The following PARD3 variants were observed in gnomAD, a reference collection of about 807,000 sequenced individuals.
PARD3 encodes the protein par-3 family cell polarity regulator.
Under a neutral mutation model 155.4 loss-of-function variants are expected in PARD3, and 75 were observed. The observed-to-expected ratio is 0.48, with a 90% CI of 0.40 to 0.58. The LOEUF (loss-of-function observed/expected upper bound fraction) is 0.58, where lower values mean the gene tolerates loss of function less well. Ranked by LOEUF, PARD3 falls within the 20% of genes least tolerant of loss-of-function variation. The pLI is 0.00. For synonymous variants in PARD3, 576 were observed against 610.5 expected (o/e 0.94, Z 0.83); for missense variants, 1,642 against 1,721.7 (o/e 0.95, Z 0.82).
chr10:34,187,902 G>A (rs1411778434), intron 22 of PARD3, among the ~76,000 whole-genome samples: 2 of 152,032 alleles, frequency 1.3e-5, no homozygotes, highest in Admixed American at 6.6e-5. Flanking sequence ...CTACCGTGGC[G>A]ATGAAAAACT....
rs1243738551 is a variant in PARD3 at position 34,598,779 on chromosome 10, A to G, written c.223-81620T>C. ...AGTTATAAAGAGCCTCTAACACAGG[A>G]GACAATGCTACTGCCATAGACCTGC... On this transcript the variant is annotated intron_variant, in intron 2 of 24. Coordinates refer to ENST00000374788, the MANE Select transcript of PARD3 (RefSeq NM_001184785.2). 2.0e-5 allele frequency among the ~76,000 whole-genome samples: 3 copies of G among 152,320 alleles called. No individual in the cohort carries two copies. The East Asian group carries it at 5.8e-4, about 29-fold the overall frequency.
chr10:34,617,428 A>G (rs983453298), intron 2 of PARD3, among the ~76,000 whole-genome samples: 1 of 152,166 alleles, frequency 6.6e-6, no homozygotes, highest in East Asian at 1.9e-4. Context: ...CTGTAGGGTG[A>G]AAACAAATAC....
intron 1 of PARD3, among the ~76,000 whole-genome samples, chr10:34,781,017 CCTTGAA>C (rs1181387112): frequency 8.5e-5 from 13 of 152,214 alleles, no homozygotes; most frequent in Non-Finnish European, 1.5e-5. Context: ...TTTGTACTTT[CCTTGAA>C]CTTGGAGCAG....
intron 2 of PARD3, among the ~76,000 whole-genome samples, chr10:34,526,943 T>TA (rs1554885990): frequency 2.0e-5 from 3 of 152,198 alleles, no homozygotes; most frequent in Non-Finnish European, 4.4e-5. Context: ...GTTGAACTTG[T>TA]AAAAAATGAC....
At chr10:34,261,781 A>AAAAAG (rs1554820301) in intron 22 of PARD3, among the ~76,000 whole-genome samples, 4 of 131,966 alleles carry the variant, frequency 3.0e-5, no homozygotes, top group African/African-American at 9.5e-5. Context: ...AGAAAGAAAG[A>AAAAAG]AAAGAAAGAA....
intron 22 of PARD3, among the ~76,000 whole-genome samples, chr10:34,148,745 T>C (rs192158210): frequency 6.5e-4 from 99 of 151,606 alleles, no homozygotes; most frequent in African/African-American, 2.3e-3. Flanking sequence ...TTTATTACAA[T>C]ATGGATTCAG....
intron 22 of PARD3, among the ~76,000 whole-genome samples, chr10:34,262,255 G>T (rs1222840902): frequency 1.4e-5 from 2 of 146,966 alleles, no homozygotes; most frequent in Non-Finnish European, 3.0e-5. Context: ...GCCTATTACG[G>T]TTTTTTTTTT....
intron 1 of PARD3, among the ~76,000 whole-genome samples, chr10:34,806,143 A>C (rs562423647): frequency 1.3e-5 from 2 of 151,058 alleles, no homozygotes; most frequent in East Asian, 2.0e-4. Context: ...CAATCCTCCC[A>C]CGTCAGCCTC....
intron 2 of PARD3, among the ~76,000 whole-genome samples, chr10:34,692,448 T>A (rs2094083064): frequency 6.6e-6 from 1 of 152,156 alleles, no homozygotes; most frequent in South Asian, 2.1e-4. Context: ...CAAAAGAAAC[T>A]ATCAACAGAG....
At chr10:34,158,068 G>A (rs1438469129) in intron 22 of PARD3, among the ~76,000 whole-genome samples, 1 of 152,008 alleles carries the variant, frequency 6.6e-6, no homozygotes, top group East Asian at 1.9e-4. Flanking sequence ...CATTGCTGAT[G>A]TCAGCCTACT....
Position 34,801,521 on chromosome 10 carries a change from G to A in PARD3, c.120+13355C>T, listed in dbSNP as rs537384600. Among the ~76,000 whole-genome samples the A allele has an allele frequency of 2.2e-3, 334 of 152,200 alleles. 1 individual carries two copies. Among genetic ancestry groups the A allele is most frequent in the Non-Finnish European group, 2.9e-3 (197 of 68,010 alleles). On this transcript the variant is annotated intron_variant, in intron 1 of 24. Coordinates refer to ENST00000374788, the MANE Select transcript of PARD3 (RefSeq NM_001184785.2). ...TGATAACTGCAAGTCTGACTTCATC[G>A]CACTGCCTGCCAAGCCCAGAATGTG...
At chr10:34,798,671 C>T (rs998553397) in intron 1 of PARD3, among the ~76,000 whole-genome samples, 21 of 119,264 alleles carry the variant, frequency 1.8e-4, no homozygotes, top group African/African-American at 7.7e-4. Context: ...CGCCATTGCA[C>T]TCCAGACTGG....
At chr10:34,590,240 G>A (rs570913048) in intron 2 of PARD3, among the ~76,000 whole-genome samples, 9 of 152,240 alleles carry the variant, frequency 5.9e-5, no homozygotes, top group South Asian at 4.2e-4. Flanking sequence ...GACTCACAAC[G>A]TCCCCCTGAT....
intron 2 of PARD3, among the ~76,000 whole-genome samples, chr10:34,635,655 C>A (rs911599725): frequency 6.6e-6 from 1 of 152,200 alleles, no homozygotes; most frequent in African/African-American, 2.4e-5. Flanking sequence ...GTAGAAAACA[C>A]TCGATGAGAT....
At chr10:34,672,349 G>A (rs1253311396) in intron 2 of PARD3, among the ~76,000 whole-genome samples, 3 of 152,148 alleles carry the variant, frequency 2.0e-5, no homozygotes, top group Non-Finnish European at 4.4e-5. Context: ...TTTACCACCA[G>A]CTGAGCACCC....
chr10:34,393,520 G>A (rs1296363527), intron 7 of PARD3, among the ~76,000 whole-genome samples: 1 of 151,766 alleles, frequency 6.6e-6, no homozygotes, highest in Non-Finnish European at 1.5e-5. Context: ...GGTTGAAGCT[G>A]CAGTGAGCCA....
chr10:34,512,243 A>T (rs2081443019), intron 3 of PARD3, among the ~76,000 whole-genome samples: 1 of 152,266 alleles, frequency 6.6e-6, no homozygotes, highest in East Asian at 1.9e-4. Context: ...AAGGAAACGC[A>T]GAATAGATGA....
chr10:34,533,193 C>T (rs977824748), intron 2 of PARD3, among the ~76,000 whole-genome samples: 4 of 152,032 alleles, frequency 2.6e-5, no homozygotes, highest in Non-Finnish European at 4.4e-5. Flanking sequence ...TATAAATGTA[C>T]GAAGGCAGAA....
chr10:34,468,543 T>TC (rs1391566156), intron 4 of PARD3, among the ~76,000 whole-genome samples: 1 of 152,200 alleles, frequency 6.6e-6, no homozygotes, highest in African/African-American at 2.4e-5. Flanking sequence ...GGATTCTGCT[T>TC]CTTTGGATAG....
Sources: allele counts gnomAD v4.1 joint callset (sites outside exome capture counted in the v4.1 genomes callset), GRCh38; gene constraint gnomAD v4.1.1; transcripts MANE v1.5; gene names NCBI Gene and HGNC (gene_info 2026-07-23, HGNC 2026-07-21).